The following CACNA2D4 variants were observed in gnomAD, a reference collection of about 807,000 sequenced individuals.
CACNA2D4 encodes the protein calcium voltage-gated channel auxiliary subunit alpha2delta 4.
A neutral mutation model predicts 163.8 loss-of-function variants in CACNA2D4; 157 were observed. The ratio of observed to expected loss-of-function variants is 0.96; its 90% confidence interval spans 0.84 to 1.09. The LOEUF (loss-of-function observed/expected upper bound fraction) is 1.09. Among genes scored for constraint, CACNA2D4 ranks in the 50% least tolerant of loss-of-function variants. The pLI is 0.00. For missense variants in CACNA2D4, 1,410 were observed against 1,479.9 expected (o/e 0.95, Z 0.78); for synonymous variants, 598 against 586.9 (o/e 1.02, Z -0.27).
intron 9 of CACNA2D4, among the ~76,000 whole-genome samples, chr12:1,885,316 A>C (rs1414564736): frequency 2.0e-5 from 3 of 152,092 alleles, no homozygotes; most frequent in African/African-American, 7.3e-5. Context: ...TATTGATGGG[A>C]AACGCCAAGT....
At chr12:1,810,794 A>C (rs912233762) in intron 27 of CACNA2D4, among the ~76,000 whole-genome samples, 4 of 151,872 alleles carry the variant, frequency 2.6e-5, no homozygotes, top group Non-Finnish European at 4.4e-5. Context: ...AGGTGTGTGC[A>C]TGTGTGTGTC....
At chr12:1,888,804 T>C (rs1592736483) in intron 6 of CACNA2D4, among the ~76,000 whole-genome samples, 1 of 152,166 alleles carries the variant, frequency 6.6e-6, no homozygotes, top group African/African-American at 2.4e-5. Flanking sequence ...GGAAAGGTGA[T>C]GGTTGAAGAG....
Position 1,886,015 on chromosome 12 carries a change from CGATGTAATG to C in CACNA2D4, c.1009_1017del (p.His337_Ile339del), listed in dbSNP as rs774069683. 8 of 1,613,522 alleles carry C rather than the reference CGATGTAATG, an allele frequency of 5.0e-6. No individual in the cohort carries two copies. Among genetic ancestry groups the C allele is most frequent in the Non-Finnish European group, 6.8e-6 (8 of 1,179,654 alleles). On this transcript the variant is annotated inframe_deletion, in exon 9 of 38. Coordinates refer to ENST00000382722, the MANE Select transcript of CACNA2D4 (RefSeq NM_172364.5). ...ACGAGGATCCCTTTAAAACAAGGCT[CGATGTAATG>C]GACGTAGTCATTGTACTGCAGTTGC...
intron 29 of CACNA2D4, among the ~76,000 whole-genome samples, chr12:1,803,505 T>C (rs1386888396): frequency 2.0e-5 from 3 of 152,244 alleles, no homozygotes; most frequent in African/African-American, 7.2e-5. Flanking sequence ...ACATAGTCCT[T>C]ACATCCTACA....
chr12:1,803,357 A>G (rs1863402253), intron 29 of CACNA2D4, among the ~76,000 whole-genome samples: 1 of 152,206 alleles, frequency 6.6e-6, no homozygotes, highest in Non-Finnish European at 1.5e-5. Flanking sequence ...ATAACCCCAG[A>G]ACTGTTATGC....
Position 1,811,604 on chromosome 12 carries a change from C to A in CACNA2D4, c.2613+58G>T, listed in dbSNP as rs1382458305. 21 of 1,522,504 alleles carry A rather than the reference C, an allele frequency of 1.4e-5. 1 individual carries two copies. The highest frequency in any genetic ancestry group is 8.3e-5 in the African/African-American group (6 of 72,498). 94.3% of individuals were successfully genotyped at this position (1,522,504 alleles called of 1,614,324 possible). A position where few individuals can be genotyped will look rare whatever the true frequency, so the allele number is the denominator to read the frequency against. Reference sequence around the variant, plus strand: ...ATCCAAGGGGAGGGAGAGGGGGTCTCACACCCAGGGGAGCGTGGTGAGTCC... The same window carrying A: ...ATCCAAGGGGAGGGAGAGGGGGTCTAACACCCAGGGGAGCGTGGTGAGTCC... On this transcript the variant is annotated intron_variant, in intron 27 of 37. Transcript: ENST00000382722.
Position 1,834,384 on chromosome 12 carries a change from C to T in CACNA2D4, c.2551+6355G>A. On this transcript the variant is annotated intron_variant, in intron 26 of 37. Transcript: ENST00000382722. The surrounding 1 kb of genome is among the most constrained non-coding windows in gnomAD (Gnocchi z 7.6). ...TCCCAGCTGGAGGACGAGAATAGCTCAGCTGGGCTGGATATTCCTGGGCCA... is the reference window on the plus strand; with the variant it reads ...TCCCAGCTGGAGGACGAGAATAGCTTAGCTGGGCTGGATATTCCTGGGCCA... The T allele has an allele frequency of 6.2e-7, 1 of 1,613,186 alleles. No homozygotes were observed. The highest frequency in any genetic ancestry group is 8.5e-7 in the Non-Finnish European group (1 of 1,180,012).
In CACNA2D4 at chr12:1,800,449, G is replaced by T. The variant is rs763579663; in HGVS notation, c.2869-11C>A. On this transcript the variant is annotated splice_polypyrimidine_tract_variant and intron_variant, in intron 31 of 37. Transcript: ENST00000382722. ...GAAGGCAGAAATTGGCTGGGAAGGA[G>T]AGAGTGCACACCGCTCGCACCTAGG... The T allele has an allele frequency of 1.9e-6, 3 of 1,613,714 alleles. No homozygotes were observed. The South Asian group carries it at 3.3e-5, about 18-fold the overall frequency.
intron 23 of CACNA2D4, 48 bp from the exon 24 acceptor site, chr12:1,846,737 A>C (rs1175498206): frequency 6.8e-7 from 1 of 1,471,962 alleles, no homozygotes; most frequent in Admixed American, 1.9e-5. Flanking sequence ...CTGTGGCAAG[A>C]GCTTGGGGGC....
chr12:1,878,464 G>T lies in CACNA2D4; in HGVS notation c.1645-75C>A. 1 of 1,552,438 alleles carries T rather than the reference G, an allele frequency of 6.4e-7. No individual in the cohort carries two copies. The highest frequency in any genetic ancestry group is 8.7e-7 in the Non-Finnish European group (1 of 1,148,168). ...CATCTGGAGTTGGGCAGGGGTTTGG[G>T]GGCCACAGGACGGTCAAAGATGGCA... On this transcript the variant is annotated intron_variant, in intron 15 of 37. Coordinates refer to ENST00000382722, the MANE Select transcript of CACNA2D4 (RefSeq NM_172364.5). This position sits in a 1 kb window ranked among gnomAD's most constrained non-coding sequence, Gnocchi z 4.6.
chr12:1,828,275 G>A lies in CACNA2D4; in HGVS notation c.2551+12464C>T. On this transcript the variant is annotated intron_variant, in intron 26 of 37. Coordinates refer to ENST00000382722, the MANE Select transcript of CACNA2D4 (RefSeq NM_172364.5). The surrounding 1 kb of genome is among the most constrained non-coding windows in gnomAD (Gnocchi z 4.2). ...GTTGGGTGGGGGTGCCGAGGTGACT[G>A]TAGGTAGCGCCATATGGGACCTTAG... 3.5e-6 allele frequency: 5 copies of A among 1,426,496 alleles called. No individual in the cohort carries two copies. Among genetic ancestry groups the A allele is most frequent in the South Asian group, 1.3e-5 (1 of 74,644 alleles). 88.4% of individuals were successfully genotyped at this position (1,426,496 alleles called of 1,614,324 possible). A position where few individuals can be genotyped will look rare whatever the true frequency, so the allele number is the denominator to read the frequency against.
chr12:1,834,643 G>A lies in CACNA2D4; in HGVS notation c.2551+6096C>T, dbSNP rs1864775263. On this transcript the variant is annotated intron_variant, in intron 26 of 37. Coordinates refer to ENST00000382722, the MANE Select transcript of CACNA2D4 (RefSeq NM_172364.5). The surrounding 1 kb of genome is among the most constrained non-coding windows in gnomAD (Gnocchi z 7.6). ...CCCTCATGGCCAAGTACCACCGGGA[G>A]CTCAAAAAGCGCCAGCCCCTGATGG... 3 of 1,600,684 alleles carry A rather than the reference G, an allele frequency of 1.9e-6. No homozygotes were observed. Among genetic ancestry groups the A allele is most frequent in the Non-Finnish European group, 8.5e-7 (1 of 1,179,828 alleles).
chr12:1,808,116 A>C (rs1209498200), intron 29 of CACNA2D4, among the ~76,000 whole-genome samples: 1 of 152,160 alleles, frequency 6.6e-6, no homozygotes, highest in African/African-American at 2.4e-5. Flanking sequence ...AATAGGACCA[A>C]AGTGGCCCAG....
intron 18 of CACNA2D4, among the ~76,000 whole-genome samples, chr12:1,865,736 T>C (rs1032251773): frequency 2.0e-5 from 3 of 152,070 alleles, no homozygotes; most frequent in Non-Finnish European, 4.4e-5. Context: ...AGCCGGTGTG[T>C]GGGGAACCGG....
chr12:1,817,637 C>A (rs28702071), intron 26 of CACNA2D4, among the ~76,000 whole-genome samples: 5,701 of 152,268 alleles, frequency 0.037, 206 homozygotes, highest in African/African-American at 0.083. Flanking sequence ...GCGTGCGCCG[C>A]CACGCCTGAC....
At chr12:1,880,759 G>A (rs1246009841) in intron 13 of CACNA2D4, among the ~76,000 whole-genome samples, 1 of 152,218 alleles carries the variant, frequency 6.6e-6, no homozygotes, top group African/African-American at 2.4e-5. Context: ...TTAGAAGTAA[G>A]GCTTTCTGAG....
intron 29 of CACNA2D4, 96 bp downstream of exon 29, chr12:1,810,182 T>C: frequency 3.9e-6 from 4 of 1,025,014 alleles, no homozygotes; most frequent in Non-Finnish European, 4.5e-6. Flanking sequence ...GGTTCCCTCC[T>C]GGGGCCGTGG....
At chr12:1,842,598 G>A (rs938633027) in intron 25 of CACNA2D4, among the ~76,000 whole-genome samples, 7 of 152,108 alleles carry the variant, frequency 4.6e-5, no homozygotes, top group African/African-American at 1.7e-4. Context: ...TCTCCTCGTG[G>A]CTCAGCTTCT....
At chr12:1,901,580 G>C (rs1866538555) in intron 6 of CACNA2D4, among the ~76,000 whole-genome samples, 2 of 151,918 alleles carry the variant, frequency 1.3e-5, no homozygotes, top group Admixed American at 6.6e-5. Flanking sequence ...CCAATAAATT[G>C]GAAAACCTAG....
Sources: gnomAD v4.1 joint callset for allele counts (sites outside exome capture counted in the v4.1 genomes callset) on GRCh38, gnomAD v4.1.1 for gene constraint, Gnocchi (gnomAD v3.1) non-coding constraint, MANE v1.5 for transcripts, NCBI Gene and HGNC (gene_info 2026-07-23, HGNC 2026-07-21) for gene names.